Variants in OLFM2 observed in about 807,000 individuals in gnomAD.
The protein encoded by OLFM2 is noelin-2.
In OLFM2, 20 loss-of-function variants were observed where a neutral mutation model predicts 43.9. The ratio of observed to expected loss-of-function variants is 0.46; its 90% confidence interval spans 0.32 to 0.66. The LOEUF (loss-of-function observed/expected upper bound fraction) is 0.66, where lower values mean the gene tolerates loss of function less well. Ranked by LOEUF, OLFM2 falls within the 30% of genes least tolerant of loss-of-function variation. The pLI is 0.04. For missense variants in OLFM2, 416 were observed against 643.6 expected, an observed-to-expected ratio of 0.65 and a Z score of 3.83; for synonymous variants, 268 against 278.6, an observed-to-expected ratio of 0.96 and a Z score of 0.38.
At chr19:9,908,448 C>G (rs1038902595) in intron 1 of OLFM2, among the ~76,000 whole-genome samples, 9 of 145,916 alleles carry the variant, frequency 6.2e-5, no homozygotes, top group Admixed American at 4.8e-4. Flanking sequence ...CAGGTGCCTG[C>G]CATCACACCT....
rs764581298 is a variant in OLFM2, at chr19:9,857,730, C to A, written c.345G>T (p.Ser115=). The change falls in exon 3 of 6, where the codon TCG becomes TCT. Residue 115 remains serine, a synonymous_variant. Coordinates refer to ENST00000264833, the MANE Select transcript of OLFM2 (RefSeq NM_058164.4). The surrounding 1 kb of genome is among the most constrained non-coding windows in gnomAD (Gnocchi z 5.7). ...ARLRAADGSL[S]AKSFQELKDR... is the part of the protein sequence containing the mutation. ...GAGGACCCACCTGGAAGCTCTTGGC[C>A]GAGAGGGACCCATCAGCTGCCCGGA... 1.9e-6 allele frequency: 3 copies of A among 1,614,118 alleles called. 1 individual carries two copies. The South Asian group carries it at 3.3e-5, about 18-fold the overall frequency.
chr19:9,907,216 G>A lies in OLFM2; in HGVS notation c.63+29088C>T, dbSNP rs1319727187. 2.0e-5 allele frequency among the ~76,000 whole-genome samples: 3 copies of A among 152,184 alleles called. No individual in the cohort carries two copies. In the East Asian group the frequency reaches 5.8e-4, roughly 29 times the overall value. Reference sequence around the variant, plus strand: ...CACGCCTGTAATCCCAGCACTTTGGGTAGCTGAGGCGGGTGGATCACTTGA... The same window carrying A: ...CACGCCTGTAATCCCAGCACTTTGGATAGCTGAGGCGGGTGGATCACTTGA... On this transcript the variant is annotated intron_variant, in intron 1 of 5. Transcript: ENST00000264833.
At position 9,907,315 on chromosome 19, in the gene OLFM2, C is replaced by G. The variant is rs566434208; in HGVS notation, c.63+28989G>C. Among the ~76,000 whole-genome samples, 43 of 152,154 alleles carry G rather than the reference C, an allele frequency of 2.8e-4. No homozygotes were observed. In the South Asian group the frequency reaches 8.9e-3, roughly 32 times the overall value. On this transcript the variant is annotated intron_variant, in intron 1 of 5. Transcript: ENST00000264833. Reference sequence around the variant, plus strand: ...ACTAAAAATACAAAAATTAGCTAGGCAGGGTGGCGCACACCTGTAGTCCCA... The same window carrying G: ...ACTAAAAATACAAAAATTAGCTAGGGAGGGTGGCGCACACCTGTAGTCCCA...
intron 1 of OLFM2, 24 bp downstream of exon 1, chr19:9,936,280 C>T: frequency 6.5e-7 from 1 of 1,527,748 alleles, no homozygotes; most frequent in Non-Finnish European, 8.7e-7. Context: ...CACCCGCGCC[C>T]GCACCTGCCC....
intron 1 of OLFM2, among the ~76,000 whole-genome samples, chr19:9,919,178 T>C (rs1383753786): frequency 6.8e-6 from 1 of 147,402 alleles, no homozygotes; most frequent in Non-Finnish European, 1.5e-5. Flanking sequence ...TTCTCTCTCT[T>C]TTTTTTGAGA....
rs1253447110 is a variant in OLFM2, at chr19:9,854,887, TG to T, written c.688-25del. On this transcript the variant is annotated intron_variant, in intron 5 of 5. Coordinates refer to ENST00000264833, the MANE Select transcript of OLFM2 (RefSeq NM_058164.4). The surrounding 1 kb of genome is among the most constrained non-coding windows in gnomAD (Gnocchi z 9.5). ...ACCTATGGTAGCAGCCGCTGGTCAC[TG>T]GGGGGAACCACCACCAACGACCCAA... is the stretch of plus-strand genomic sequence containing the variant. 13 of 1,532,100 alleles carry T rather than the reference TG, an allele frequency of 8.5e-6. No individual in the cohort carries two copies. Among genetic ancestry groups the T allele is most frequent in the Middle Eastern group, 1.8e-4 (1 of 5,570 alleles). 94.9% of individuals were successfully genotyped at this position (1,532,100 alleles called of 1,614,324 possible).
At chr19:9,909,183 C>T (rs1054710608) in intron 1 of OLFM2, among the ~76,000 whole-genome samples, 6 of 152,142 alleles carry the variant, frequency 3.9e-5, no homozygotes, top group African/African-American at 1.4e-4. Context: ...CTTATTCGTC[C>T]CATAAAGCAA....
At chr19:9,923,361 C>T (rs2086432131) in intron 1 of OLFM2, among the ~76,000 whole-genome samples, 1 of 151,680 alleles carries the variant, frequency 6.6e-6, no homozygotes, top group South Asian at 2.1e-4. Context: ...TCAATACCAG[C>T]CTGGCCAACA....
intron 1 of OLFM2, among the ~76,000 whole-genome samples, chr19:9,887,186 A>AC (rs2046595122): frequency 1.3e-5 from 2 of 148,936 alleles, no homozygotes; most frequent in East Asian, 4.0e-4. Context: ...TTTTTCTTTC[A>AC]TTTTTTTTTT....
Position 9,936,480 on chromosome 19 carries a change from C to A in OLFM2, c.-114G>T, listed in dbSNP as rs190031895. The A allele has an allele frequency of 0.041, 30,218 of 737,926 alleles. 739 individuals are homozygous for A. The highest frequency in any genetic ancestry group is 0.072 in the Middle Eastern group (106 of 1,466). The allele number at this position is 737,926 out of a possible 1,614,324, so 45.7% of individuals were successfully genotyped here. A position where few individuals can be genotyped will look rare whatever the true frequency, so the allele number is the denominator to read the frequency against. ...CGGCCGGGGCGACCCTGCGCCGCCG[C>A]CTCCCCCGCCTCGCCGGCGGCCGGG... On this transcript the variant is annotated 5_prime_UTR_variant, in exon 1 of 6. Coordinates refer to ENST00000264833, the MANE Select transcript of OLFM2 (RefSeq NM_058164.4).
At chr19:9,866,114 C>A (rs376695494) in intron 1 of OLFM2, among the ~76,000 whole-genome samples, 1 of 152,180 alleles carries the variant, frequency 6.6e-6, no homozygotes, top group African/African-American at 2.4e-5. Flanking sequence ...TAATTGTCTG[C>A]GTTGGACGCA....
intron 1 of OLFM2, among the ~76,000 whole-genome samples, chr19:9,904,622 C>G (rs1294385186): frequency 6.6e-6 from 1 of 151,972 alleles, no homozygotes; most frequent in Non-Finnish European, 1.5e-5. Flanking sequence ...AGAAGTGACT[C>G]TGAGGGGCCT....
At chr19:9,874,388 A>G (rs922742162) in intron 1 of OLFM2, among the ~76,000 whole-genome samples, 4 of 145,638 alleles carry the variant, frequency 2.7e-5, no homozygotes, top group African/African-American at 1.0e-4. Context: ...GCTAGACTCA[A>G]ACTCCTGACC....
At chr19:9,882,265 G>A (rs141445863) in intron 1 of OLFM2, among the ~76,000 whole-genome samples, 3,268 of 150,238 alleles carry the variant, frequency 0.022, 120 homozygotes, top group African/African-American at 0.076. Context: ...AAGGCCAGGC[G>A]CGGTGGCTCA....
chr19:9,867,162 G>C (rs557962010), intron 1 of OLFM2, among the ~76,000 whole-genome samples: 7 of 152,338 alleles, frequency 4.6e-5, no homozygotes, highest in African/African-American at 1.7e-4. Context: ...CCTGAGGTCA[G>C]GAGTTCCAGA....
chr19:9,902,671 C>CCAGGA (rs894718277), intron 1 of OLFM2, among the ~76,000 whole-genome samples: 3 of 151,796 alleles, frequency 2.0e-5, no homozygotes, highest in African/African-American at 7.3e-5. Context: ...AGGTGAGAGC[C>CCAGGA]CAGGAGTTCA....
intron 1 of OLFM2, among the ~76,000 whole-genome samples, chr19:9,923,239 A>AT (rs887545853): frequency 8.6e-5 from 13 of 150,514 alleles, no homozygotes; most frequent in Middle Eastern, 3.4e-3. Context: ...CACAGTGATA[A>AT]TTTTTTTTTT....
Position 9,936,389 on chromosome 19 carries a change from C to G in OLFM2, c.-23G>C. ...CATGACGCGCCCCTAGCCCGGCGTC[C>G]CGACCCCCGCCCGCCCTAGCGGCGC... On this transcript the variant is annotated 5_prime_UTR_variant, in exon 1 of 6. Transcript: ENST00000264833. 7.2e-7 allele frequency: 1 copy of G among 1,396,660 alleles called. No homozygotes were observed. The highest frequency in any genetic ancestry group is 9.3e-7 in the Non-Finnish European group (1 of 1,075,066). 86.5% of individuals were successfully genotyped at this position (1,396,660 alleles called of 1,614,324 possible).
chr19:9,862,358 A>G (rs1393608870), intron 1 of OLFM2, among the ~76,000 whole-genome samples: 3 of 152,090 alleles, frequency 2.0e-5, no homozygotes, highest in Non-Finnish European at 1.5e-5. Flanking sequence ...GGACATTTCT[A>G]TCATTACAAA....
Sources: gnomAD v4.1 joint callset for allele counts (sites outside exome capture counted in the v4.1 genomes callset) on GRCh38, gnomAD v4.1.1 for gene constraint, Gnocchi (gnomAD v3.1) non-coding constraint, MANE v1.5 for transcripts, NCBI Gene and HGNC (gene_info 2026-07-23, HGNC 2026-07-21) for gene names.